The following TADA2A variants were observed in gnomAD, a reference collection of about 807,000 sequenced individuals.
The protein encoded by TADA2A is transcriptional adaptor 2A.
A neutral mutation model predicts 67.4 loss-of-function variants in TADA2A; 38 were observed. The observed-to-expected ratio is 0.56, with a 90% CI of 0.44 to 0.74. The LOEUF is 0.74. Among genes scored for constraint, TADA2A ranks in the 30% least tolerant of loss-of-function variants. The pLI is 0.00. For synonymous variants in TADA2A, 192 were observed against 181.6 expected, an observed-to-expected ratio of 1.06 and a Z score of -0.46; for missense variants, 454 against 547.0, an observed-to-expected ratio of 0.83 and a Z score of 1.70.
chr17:37,423,398 C>A, intron 2 of TADA2A, 111 bp from the exon 3 acceptor site: 1 of 804,144 alleles, frequency 1.2e-6, no homozygotes, highest in Non-Finnish European at 2.0e-6. Context: ...TCTCCATGAA[C>A]TTTTCAGCTT....
Position 37,470,518 on chromosome 17 carries a change from C to A in TADA2A, c.1014C>A (p.Arg338=), listed in dbSNP as rs550776397. The change falls in exon 13 of 16, where the codon CGC becomes CGA. Residue 338 remains arginine, a synonymous_variant. Coordinates refer to ENST00000615182, the MANE Select transcript of TADA2A (RefSeq NM_001166105.3). ...GTAGTGCTTGCCAGCAGTGGCTCCG[C>A]CGGCAAGCTGACATGTGAGTAATTA... ...QDSSACQQWL[R]RQADIDSGLS... 5 of 1,568,214 alleles carry A rather than the reference C, an allele frequency of 3.2e-6. No homozygotes were observed.
At chr17:37,451,167 A>G (rs1050927789) in intron 8 of TADA2A, among the ~76,000 whole-genome samples, 8 of 152,206 alleles carry the variant, frequency 5.3e-5, no homozygotes, top group South Asian at 2.1e-4. Flanking sequence ...AGCTAGGACA[A>G]CAGGCACACG....
chr17:37,446,683 A>G (rs1308307079), intron 8 of TADA2A, among the ~76,000 whole-genome samples: 1 of 151,666 alleles, frequency 6.6e-6, no homozygotes, highest in East Asian at 1.9e-4. Context: ...TTTTACCTAT[A>G]TATTTATTTT....
chr17:37,407,100 T>TGGCGGGCC (rs1185384151), intron 1 of TADA2A, 151 bp downstream of exon 1: 4 of 83,604 alleles, frequency 4.8e-5, no homozygotes, highest in South Asian at 3.5e-4. Context: ...CGCGGCAGGC[T>TGGCGGGCC]GGCGGGCCGG....
intron 13 of TADA2A, 57 bp downstream of exon 13, chr17:37,470,589 C>T (rs1019618949): frequency 9.6e-6 from 14 of 1,463,906 alleles, no homozygotes; most frequent in Middle Eastern, 1.9e-4. Flanking sequence ...TTGGCCTTCA[C>T]ATATATTTTT....
chr17:37,468,825 TTCCC>T (rs780954228), intron 12 of TADA2A, among the ~76,000 whole-genome samples: 1 of 152,202 alleles, frequency 6.6e-6, no homozygotes, highest in Non-Finnish European at 1.5e-5. Flanking sequence ...ATCTTTAGCA[TTCCC>T]TCCTTCTTCC....
intron 13 of TADA2A, 122 bp from the exon 14 acceptor site, chr17:37,470,972 G>A (rs2053774649): frequency 3.3e-6 from 3 of 907,832 alleles, no homozygotes; most frequent in Non-Finnish European, 5.5e-6. Flanking sequence ...ACATAGTTCA[G>A]TCTATCTCAT....
intron 2 of TADA2A, among the ~76,000 whole-genome samples, chr17:37,422,479 C>CTGATGATGATGATGATGA (rs1355232116): frequency 6.1e-4 from 47 of 76,764 alleles, no homozygotes; most frequent in Admixed American, 1.1e-3. Flanking sequence ...CCATGCCCAG[C>CTGATGATGATGATGATGA]TGATTATTAT....
chr17:37,458,825 C>T (rs555892034), intron 9 of TADA2A, among the ~76,000 whole-genome samples: 305 of 152,112 alleles, frequency 2.0e-3, no homozygotes, highest in Non-Finnish European at 3.3e-3. Context: ...TACAGCAGTG[C>T]GCCACCATGC....
chr17:37,457,557 G>T (rs1187098028), intron 8 of TADA2A, among the ~76,000 whole-genome samples: 2 of 136,254 alleles, frequency 1.5e-5, no homozygotes, highest in Admixed American at 8.2e-5. Context: ...GAGTGTAGTG[G>T]CATGATCTCG....
intron 2 of TADA2A, among the ~76,000 whole-genome samples, chr17:37,422,589 C>T (rs1451173889): frequency 6.6e-6 from 1 of 151,756 alleles, no homozygotes; most frequent in African/African-American, 2.4e-5. Flanking sequence ...TCACGGCAAC[C>T]TTTGCCTTCC....
At chr17:37,458,660 TG>T (rs2148015858) in intron 9 of TADA2A, 73 bp downstream of exon 9, 1 of 1,221,978 alleles carries the variant, frequency 8.2e-7, no homozygotes, top group East Asian at 2.5e-5. Context: ...TGTGTGTGTG[TG>T]TGTGTGTGTG....
intron 3 of TADA2A, among the ~76,000 whole-genome samples, chr17:37,424,711 C>T (rs1174561037): frequency 6.6e-6 from 1 of 152,024 alleles, no homozygotes; most frequent in African/African-American, 2.4e-5. Context: ...CATGCGCCAC[C>T]ACACCCGGCT....
intron 2 of TADA2A, among the ~76,000 whole-genome samples, chr17:37,420,755 C>A (rs2052207633): frequency 6.8e-6 from 1 of 146,516 alleles, no homozygotes; most frequent in Admixed American, 6.9e-5. Flanking sequence ...GGGAAAGGTA[C>A]CTTGAAGAAC....
chr17:37,451,801 C>T (rs563003424), intron 8 of TADA2A, among the ~76,000 whole-genome samples: 24 of 151,120 alleles, frequency 1.6e-4, no homozygotes, highest in African/African-American at 5.3e-4. Flanking sequence ...CTGGCCAACA[C>T]GGTGAAACCC....
intron 4 of TADA2A, among the ~76,000 whole-genome samples, chr17:37,432,462 T>C (rs1346510697): frequency 6.6e-6 from 1 of 152,090 alleles, no homozygotes; most frequent in South Asian, 2.1e-4. Context: ...CCACCGCGCC[T>C]GGACTCACTC....
rs185963859 is a variant in TADA2A, at chr17:37,448,263, A to G, written c.604+3495A>G. On this transcript the variant is annotated intron_variant, in intron 8 of 15. Coordinates refer to ENST00000615182, the MANE Select transcript of TADA2A (RefSeq NM_001166105.3). ...CACACAAAGATTTTTGCCTTGAATC[A>G]TGGAATTTGTTTAATAAATTTGGTT... Among the ~76,000 whole-genome samples the G allele has an allele frequency of 5.9e-5, 9 of 152,172 alleles. No individual in the cohort carries two copies. In the East Asian group the frequency reaches 1.5e-3, roughly 26 times the overall value.
chr17:37,420,632 A>T (rs1441983353), intron 2 of TADA2A, among the ~76,000 whole-genome samples: 1 of 145,694 alleles, frequency 6.9e-6, no homozygotes, highest in Non-Finnish European at 1.5e-5. Flanking sequence ...AGCTCAAGTG[A>T]TCAACCCGCC....
intron 14 of TADA2A, among the ~76,000 whole-genome samples, chr17:37,473,127 ATTT>A (rs1020173351): frequency 2.3e-5 from 2 of 85,684 alleles, no homozygotes; most frequent in Non-Finnish European, 4.3e-5. Context: ...ACCTGGAGAA[ATTT>A]TTTTTTTTTT....
Sources: allele counts gnomAD v4.1 joint callset (sites outside exome capture counted in the v4.1 genomes callset), GRCh38; gene constraint gnomAD v4.1.1; transcripts MANE v1.5; gene names NCBI Gene and HGNC (gene_info 2026-07-23, HGNC 2026-07-21).